CABYR: variants seen among roughly 807,000 people sequenced by gnomAD.
The protein encoded by CABYR is calcium binding tyrosine phosphorylation regulated.
A neutral mutation model predicts 36.1 loss-of-function variants in CABYR; 31 were observed. The ratio of observed to expected loss-of-function variants is 0.86; its 90% confidence interval spans 0.64 to 1.16. The LOEUF (loss-of-function observed/expected upper bound fraction) is 1.16. CABYR is among the 50% of genes most tolerant of loss of function. The pLI is 0.00. For synonymous variants in CABYR, 146 were observed against 160.7 expected, an observed-to-expected ratio of 0.91 and a Z score of 0.69; for missense variants, 429 against 455.8, an observed-to-expected ratio of 0.94 and a Z score of 0.53.
chr18:24,159,979 A>G lies in CABYR; in HGVS notation c.1049A>G (p.Asp350Gly). The change falls in exon 5 of 6, where the codon GAC (aspartate) becomes GGC (glycine). Residue 350 changes from aspartate (D) to glycine (G), a missense_variant. By Grantham distance (94) the Asp-to-Gly change is moderately conservative. Coordinates refer to ENST00000399496, the MANE Select transcript of CABYR (RefSeq NM_153769.3). Reference sequence around the variant, plus strand: ...GCTAAAAAAAGTTCAGGATCTGGTGACAAATGTGCTCCCTTTGGAAGTTAC... The same window carrying G: ...GCTAAAAAAAGTTCAGGATCTGGTGGCAAATGTGCTCCCTTTGGAAGTTAC... ...DVAKKSSGSG[D>G]KCAPFGSYGI... 5 of 1,614,198 alleles carry G rather than the reference A, an allele frequency of 3.1e-6. No homozygotes were observed. Among genetic ancestry groups the G allele is most frequent in the Non-Finnish European group, 3.4e-6 (4 of 1,180,032 alleles).
Position 24,143,425 on chromosome 18 carries a change from A to G in CABYR, c.199+12A>G. On this transcript the variant is annotated intron_variant, in intron 3 of 5. Coordinates refer to ENST00000399496, the MANE Select transcript of CABYR (RefSeq NM_153769.3). Reference sequence around the variant, plus strand: ...TCATCAGATTAAAGGTAAGTACCACAAGTAGTAATAGTTTTAATAATGATG... The same window carrying G: ...TCATCAGATTAAAGGTAAGTACCACGAGTAGTAATAGTTTTAATAATGATG... The G allele has an allele frequency of 7.0e-7, 1 of 1,429,236 alleles. No homozygotes were observed. Among genetic ancestry groups the G allele is most frequent in the Non-Finnish European group, 9.7e-7 (1 of 1,031,174 alleles). 88.5% of individuals were successfully genotyped at this position (1,429,236 alleles called of 1,614,324 possible).
At chr18:24,146,906 A>T (rs1301932995) in intron 3 of CABYR, among the ~76,000 whole-genome samples, 1 of 152,222 alleles carries the variant, frequency 6.6e-6, no homozygotes. Context: ...CAGGGAATAT[A>T]TCCTTTAAAA....
At chr18:24,148,210 C>G (rs1295710702) in intron 3 of CABYR, among the ~76,000 whole-genome samples, 1 of 152,162 alleles carries the variant, frequency 6.6e-6, no homozygotes, top group East Asian at 1.9e-4. Flanking sequence ...TGCAGGACAT[C>G]TAGCATCCCT....
chr18:24,147,948 G>C (rs1599378540), intron 3 of CABYR, among the ~76,000 whole-genome samples: 1 of 152,254 alleles, frequency 6.6e-6, no homozygotes, highest in Admixed American at 6.5e-5. Flanking sequence ...TTAATAATAA[G>C]TATCACATAT....
chr18:24,140,068 G>GGCACCCGCCACCACGCCC (rs2085267611), intron 1 of CABYR: 1 of 152,112 alleles, frequency 6.6e-6, no homozygotes, highest in Non-Finnish European at 1.5e-5. Context: ...TGGGACTACA[G>GGCACCCGCCACCACGCCC]GCACCCGCCA....
At chr18:24,144,591 C>T (rs1208475956) in intron 3 of CABYR, among the ~76,000 whole-genome samples, 3 of 151,798 alleles carry the variant, frequency 2.0e-5, no homozygotes. Context: ...AATAGTGAGA[C>T]CCCCATCTCT....
intron 3 of CABYR, 74 bp downstream of exon 3, chr18:24,143,487 AACT>A: frequency 1.3e-6 from 1 of 754,208 alleles, no homozygotes; most frequent in Non-Finnish European, 2.0e-6. Context: ...CATATATTCA[AACT>A]TAAGAATGGT....
chr18:24,144,480 AG>A (rs2085410219), intron 3 of CABYR, among the ~76,000 whole-genome samples: 1 of 152,182 alleles, frequency 6.6e-6, no homozygotes, highest in Non-Finnish European at 1.5e-5. Flanking sequence ...CAACACCTAG[AG>A]GGCAGGGCGT....
chr18:24,160,018 A>G lies in CABYR; in HGVS notation c.1088A>G (p.Glu363Gly). ...APFGSYGIAG[E>G]VTVTTAHKRR... ...TTTGGAAGTTACGGTATTGCTGGGG[A>G]GGTAACCGTGACTACTGCTCACAAA... The change falls in exon 5 of 6, where the codon GAG (glutamate) becomes GGG (glycine). Residue 363 changes from glutamate (E) to glycine (G), a missense_variant. Transcript: ENST00000399496. 1.9e-6 allele frequency: 3 copies of G among 1,614,142 alleles called. No homozygotes were observed. The highest frequency in any genetic ancestry group is 2.5e-6 in the Non-Finnish European group (3 of 1,180,034).
At chr18:24,158,516 C>T (rs886984259) in intron 4 of CABYR, among the ~76,000 whole-genome samples, 1 of 152,008 alleles carries the variant, frequency 6.6e-6, no homozygotes, top group East Asian at 1.9e-4. Context: ...TGGAGTTTCT[C>T]CATGTTGGTC....
Position 24,143,183 on chromosome 18 carries a change from A to G in CABYR, c.69A>G (p.Arg23=). The G allele has an allele frequency of 6.2e-7, 1 of 1,614,100 alleles. No individual in the cohort carries two copies. The highest frequency in any genetic ancestry group is 8.5e-7 in the Non-Finnish European group (1 of 1,179,988). The change falls in exon 2 of 6, where the codon AGA becomes AGG. Residue 23 remains arginine (R), a synonymous_variant. Coordinates refer to ENST00000399496, the MANE Select transcript of CABYR (RefSeq NM_153769.3). ...AGACTCTGCTCGAGGGAATTAGCAG[A>G]GCTGTTCTCAAAACCAACCCATCAA... is the stretch of plus-strand genomic sequence containing the variant. The part of the protein sequence containing the change: ...GLKTLLEGIS[R]AVLKTNPSNI...
At chr18:24,160,715 CA>C in intron 5 of CABYR, 1 of 152,724 alleles carries the variant, frequency 6.5e-6, no homozygotes, top group South Asian at 2.1e-4. Context: ...GGGAGACAGA[CA>C]AAAAAGTGTA....
chr18:24,151,687 C>CTTTT (rs35513415), intron 3 of CABYR, among the ~76,000 whole-genome samples: 63 of 123,912 alleles, frequency 5.1e-4, no homozygotes, highest in South Asian at 2.7e-3. Flanking sequence ...CTAGTGTTGG[C>CTTTT]TTTTTTTTTT....
chr18:24,142,942 A>C, intron 1 of CABYR, 149 bp from the exon 2 acceptor site: 1 of 465,812 alleles, frequency 2.1e-6, no homozygotes, highest in Non-Finnish European at 3.7e-6. Flanking sequence ...CTGAGGCTGG[A>C]GAATCGCTTG....
At chr18:24,147,006 A>G (rs2085476079) in intron 3 of CABYR, among the ~76,000 whole-genome samples, 1 of 152,166 alleles carries the variant, frequency 6.6e-6, no homozygotes, top group African/African-American at 2.4e-5. Flanking sequence ...AAAGAAGTTT[A>G]TAAGCAGGGG....
intron 4 of CABYR, among the ~76,000 whole-genome samples, chr18:24,157,370 G>A (rs1414638726): frequency 6.6e-6 from 1 of 152,146 alleles, no homozygotes; most frequent in Non-Finnish European, 1.5e-5. Flanking sequence ...TTTTCCTCTT[G>A]TGAATCTAAA....
Position 24,161,508 on chromosome 18 carries a change from C to T in CABYR, c.*-8C>T. 1 of 780,478 alleles carries T rather than the reference C, an allele frequency of 1.3e-6. No homozygotes were observed. Among genetic ancestry groups the T allele is most frequent in the Non-Finnish European group, 2.4e-6 (1 of 417,898 alleles). The allele number at this position is 780,478 out of a possible 1,614,324, so 48.3% of individuals were successfully genotyped here. A position where few individuals can be genotyped will look rare whatever the true frequency, so the allele number is the denominator to read the frequency against. Reference sequence around the variant, plus strand: ...TAAACAATTCAATGTTTGCATTATTCCTAACAGATCCAGAAATGACGCTGT... The same window carrying T: ...TAAACAATTCAATGTTTGCATTATTTCTAACAGATCCAGAAATGACGCTGT... On this transcript the variant is annotated splice_polypyrimidine_tract_variant and splice_region_variant and intron_variant, in intron 5 of 5. Coordinates refer to ENST00000399496, the MANE Select transcript of CABYR (RefSeq NM_153769.3).
intron 3 of CABYR, among the ~76,000 whole-genome samples, chr18:24,154,094 C>T (rs961959909): frequency 8.8e-5 from 9 of 102,350 alleles, no homozygotes; most frequent in Admixed American, 4.8e-4. Flanking sequence ...CAGAGCAAGA[C>T]TCCATCTCAA....
At chr18:24,156,933 G>A in intron 4 of CABYR, 1 of 1,613,568 alleles carries the variant, frequency 6.2e-7, no homozygotes, top group Non-Finnish European at 8.5e-7. Flanking sequence ...TGCTCCAGAA[G>A]GCCTTACTGC....
Sources: allele counts gnomAD v4.1 joint callset (sites outside exome capture counted in the v4.1 genomes callset), GRCh38; gene constraint gnomAD v4.1.1; transcripts MANE v1.5; gene names NCBI Gene and HGNC (gene_info 2026-07-23, HGNC 2026-07-21).